UBE2D2: variants seen among roughly 807,000 people sequenced by gnomAD.
UBE2D2 encodes ubiquitin-conjugating enzyme E2 D2.
UBE2D2 carries 2 observed loss-of-function variants against 24.2 expected under a neutral mutation model. The ratio of observed to expected loss-of-function variants is 0.08; its 90% CI spans 0.03 to 0.26. The LOEUF is 0.26. Ranked by LOEUF, UBE2D2 falls within the 10% of genes least tolerant of loss-of-function variation. UBE2D2 has a pLI of 1.00. For missense variants in UBE2D2, 44 were observed against 177.6 expected (o/e 0.25, Z 4.28); for synonymous variants, 58 against 56.5 (o/e 1.03, Z -0.12).
At chr5:139,588,089 A>G (rs1455801135) in intron 1 of UBE2D2, among the ~76,000 whole-genome samples, 1 of 151,908 alleles carries the variant, frequency 6.6e-6, no homozygotes, top group Non-Finnish European at 1.5e-5. Context: ...TCAGCCTCCC[A>G]AGTGGCTGGG....
chr5:139,580,415 G>A (rs1309338961), intron 1 of UBE2D2, among the ~76,000 whole-genome samples: 1 of 152,106 alleles, frequency 6.6e-6, no homozygotes, highest in African/African-American at 2.4e-5. Context: ...GAGTCCAGGA[G>A]TATAAGGCCA....
At chr5:139,576,121 A>G (rs543550986) in intron 1 of UBE2D2, among the ~76,000 whole-genome samples, 1 of 152,196 alleles carries the variant, frequency 6.6e-6, no homozygotes, top group East Asian at 1.9e-4. Context: ...GGAGTGCGTG[A>G]TTTTCTTTAG....
At chr5:139,597,878 T>C (rs2126682979) in intron 1 of UBE2D2, among the ~76,000 whole-genome samples, 1 of 152,334 alleles carries the variant, frequency 6.6e-6, no homozygotes, top group South Asian at 2.1e-4. Flanking sequence ...GTTATCTCAA[T>C]CCAGAGCCTT....
At chr5:139,561,845 G>A in intron 1 of UBE2D2, 30 bp downstream of exon 1, 2 of 1,476,746 alleles carry the variant, frequency 1.4e-6, no homozygotes, top group Non-Finnish European at 8.9e-7. Context: ...CTGCGCTGCT[G>A]GCCAGCTGAG....
At chr5:139,624,113 A>G (rs377418496) in intron 6 of UBE2D2, among the ~76,000 whole-genome samples, 2 of 152,316 alleles carry the variant, frequency 1.3e-5, no homozygotes, top group African/African-American at 4.8e-5. Flanking sequence ...TAATGGGAAA[A>G]GAGAATTGAT....
rs774201323 is a variant in UBE2D2, at chr5:139,626,368, C to G, written c.399-388C>G. On this transcript the variant is annotated intron_variant, in intron 6 of 6. Transcript: ENST00000398733. ...TACAGGTGTGAGCCAACATGCCCAG[C>G]CTTCTGTCGGTTTAATCATTATTAG... 2.9e-4 allele frequency among the ~76,000 whole-genome samples: 44 copies of G among 152,178 alleles called. 1 individual carries two copies. The highest frequency in any genetic ancestry group is 1.4e-3 in the Admixed American group (21 of 15,280).
At chr5:139,560,800 T>C (rs576356630), upstream of UBE2D2, among the ~76,000 whole-genome samples, 4 of 152,294 alleles carry the variant, frequency 2.6e-5, no homozygotes, top group South Asian at 8.3e-4. Context: ...CCTCTCCATC[T>C]GGGGCCTTGG....
intron 1 of UBE2D2, among the ~76,000 whole-genome samples, chr5:139,577,082 T>C (rs749204270): frequency 5.3e-5 from 8 of 151,946 alleles, no homozygotes; most frequent in African/African-American, 1.9e-4. Flanking sequence ...ACCCATCTTA[T>C]AGAGATTGTC....
At chr5:139,578,415 T>G (rs2126662584) in intron 1 of UBE2D2, among the ~76,000 whole-genome samples, 1 of 151,568 alleles carries the variant, frequency 6.6e-6, no homozygotes, top group African/African-American at 2.4e-5. Flanking sequence ...GCCAAAATTC[T>G]AAACTTCTGT....
intron 1 of UBE2D2, among the ~76,000 whole-genome samples, chr5:139,584,897 CT>C: frequency 6.9e-6 from 1 of 144,616 alleles, no homozygotes; most frequent in East Asian, 2.0e-4. Context: ...TCACTATAAA[CT>C]AACTTTTTTT....
intron 1 of UBE2D2, among the ~76,000 whole-genome samples, chr5:139,576,491 T>G (rs1246263965): frequency 2.0e-5 from 3 of 152,132 alleles, no homozygotes; most frequent in Non-Finnish European, 2.9e-5. Context: ...AGATGATTTT[T>G]TTTTTTGAGA....
At chr5:139,542,922 G>A (rs968546282) in intron 1 of UBE2D2, among the ~76,000 whole-genome samples, 5 of 152,040 alleles carry the variant, frequency 3.3e-5, no homozygotes, top group African/African-American at 1.2e-4. Context: ...TCATTGAGAC[G>A]GAGTCGCTCT....
At chr5:139,602,347 T>G (rs1322234168) in intron 2 of UBE2D2, among the ~76,000 whole-genome samples, 5 of 152,226 alleles carry the variant, frequency 3.3e-5, no homozygotes, top group Non-Finnish European at 7.3e-5. Flanking sequence ...CTACTGCGCC[T>G]GGCCTCAAAT....
intron 1 of UBE2D2, among the ~76,000 whole-genome samples, chr5:139,550,491 G>A (rs914651202): frequency 6.6e-6 from 1 of 152,156 alleles, no homozygotes; most frequent in Non-Finnish European, 1.5e-5. Context: ...CAGGATGTGG[G>A]TGGGGTCAGA....
At chr5:139,554,854 T>A (rs1441398331) in intron 1 of UBE2D2, 1 of 152,194 alleles carries the variant, frequency 6.6e-6, no homozygotes, top group Non-Finnish European at 1.5e-5. Flanking sequence ...ATGTTTTTTA[T>A]TTTAGCCATT....
intron 5 of UBE2D2, among the ~76,000 whole-genome samples, chr5:139,615,466 C>G (rs1278793670): frequency 6.6e-6 from 1 of 151,044 alleles, no homozygotes; most frequent in Non-Finnish European, 1.5e-5. Flanking sequence ...GCCTGGGCAA[C>G]AGAGCGAGAC....
upstream of UBE2D2, among the ~76,000 whole-genome samples, chr5:139,560,316 G>A (rs1753047828): frequency 2.0e-5 from 3 of 151,676 alleles, no homozygotes; most frequent in African/African-American, 7.3e-5. Flanking sequence ...TCCTGCCTCA[G>A]CCTCCCGAGT....
chr5:139,605,910 T>TAA (rs112553596), intron 2 of UBE2D2, among the ~76,000 whole-genome samples: 3 of 148,318 alleles, frequency 2.0e-5, no homozygotes, highest in Non-Finnish European at 3.0e-5. Flanking sequence ...CTGGCTAATT[T>TAA]AAAAAAAAAA....
chr5:139,621,169 G>A (rs1445559293), intron 5 of UBE2D2, among the ~76,000 whole-genome samples: 2 of 152,336 alleles, frequency 1.3e-5, no homozygotes, highest in Admixed American at 6.5e-5. Context: ...CTTGAGCCCA[G>A]GAGGTTTAGG....
Sources: gnomAD v4.1 joint callset for allele counts (sites outside exome capture counted in the v4.1 genomes callset) on GRCh38, gnomAD v4.1.1 for gene constraint, MANE v1.5 for transcripts, NCBI Gene and HGNC (gene_info 2026-07-23, HGNC 2026-07-21) for gene names.